PREX1: variants seen among roughly 807,000 people sequenced by gnomAD.
PREX1 encodes phosphatidylinositol-3,4,5-trisphosphate dependent Rac exchange factor 1.
A neutral mutation model predicts 198.3 loss-of-function variants in PREX1; 41 were observed. The observed-to-expected ratio is 0.21, with a 90% confidence interval of 0.16 to 0.27. The LOEUF is 0.27. Among genes scored for constraint, PREX1 ranks in the 10% least tolerant of loss-of-function variants. The pLI is 1.00. For missense variants in PREX1, 1,620 were observed against 2,200.7 expected, an observed-to-expected ratio of 0.74 and a Z score of 5.28; for synonymous variants, 843 against 887.2, an observed-to-expected ratio of 0.95 and a Z score of 0.89.
At chr20:48,785,165 C>T (rs998309963) in intron 1 of PREX1, among the ~76,000 whole-genome samples, 3 of 152,202 alleles carry the variant, frequency 2.0e-5, no homozygotes, top group Admixed American at 2.0e-4. Flanking sequence ...TCGCCTGCCT[C>T]AGCCTCCCAA....
chr20:48,800,807 C>A (rs2090383175), intron 1 of PREX1, among the ~76,000 whole-genome samples: 1 of 152,060 alleles, frequency 6.6e-6, no homozygotes, highest in Non-Finnish European at 1.5e-5. Flanking sequence ...CCTAACCACT[C>A]TGGATGCAAA....
rs1600539782 is a variant in PREX1 at position 48,827,669 on chromosome 20, G to A, written c.192C>T (p.Tyr64=). 7.3e-7 allele frequency: 1 copy of A among 1,364,496 alleles called. No individual in the cohort carries two copies. The highest frequency in any genetic ancestry group is 1.5e-5 in the African/African-American group (1 of 66,510). 84.5% of individuals were successfully genotyped at this position (1,364,496 alleles called of 1,614,324 possible). A position where few individuals can be genotyped will look rare whatever the true frequency, so the allele number is the denominator to read the frequency against. Residue 64 remains tyrosine (Y), a synonymous_variant, in exon 1 of 40, where the codon TAC becomes TAT. Transcript: ENST00000371941. This position sits in a 1 kb window ranked among gnomAD's most constrained non-coding sequence, Gnocchi z 4.1. The part of the protein sequence containing the change: ...LNEILGTERD[Y]VGTLRFLQSA... ...ACTGCAAGAAGCGCAAGGTGCCCAC[G>A]TAGTCCCTCTCGGTGCCCAAGATCT...
At chr20:48,753,636 C>G (rs931486819) in intron 1 of PREX1, among the ~76,000 whole-genome samples, 1 of 152,208 alleles carries the variant, frequency 6.6e-6, no homozygotes, top group Non-Finnish European at 1.5e-5. Context: ...TCTTCCACCG[C>G]CCAAATACTG....
At chr20:48,851,642 CA>C in the PREX1 span, among the ~76,000 whole-genome samples, 1 of 152,126 alleles carries the variant, frequency 6.6e-6, no homozygotes, top group African/African-American at 2.4e-5. Context: ...CACTGGGAAC[CA>C]AGTCATAGTA....
At chr20:48,712,169 C>G (rs1232100799) in intron 5 of PREX1, among the ~76,000 whole-genome samples, 1 of 152,164 alleles carries the variant, frequency 6.6e-6, no homozygotes, top group Non-Finnish European at 1.5e-5. Context: ...TAAGCTTGGC[C>G]ATCAGTGAAA....
At chr20:48,665,242 TGGCCTGAATTCTAATCCCGCCCCAGAC>T (rs2089629548) in intron 15 of PREX1, among the ~76,000 whole-genome samples, 1 of 127,734 alleles carries the variant, frequency 7.8e-6, no homozygotes. Flanking sequence ...TGGCTCCAGA[TGGCCTGAATTCTAATCCCGCCCCAGAC>T]GGCCTGAATT....
intron 1 of PREX1, among the ~76,000 whole-genome samples, chr20:48,768,998 C>A (rs1198799980): frequency 6.6e-6 from 1 of 152,010 alleles, no homozygotes; most frequent in Non-Finnish European, 1.5e-5. Context: ...CACCGTCCAC[C>A]CTGGTTTGTC....
At chr20:48,876,405 G>A in the PREX1 span, among the ~76,000 whole-genome samples, 1 of 152,168 alleles carries the variant, frequency 6.6e-6, no homozygotes, top group South Asian at 2.1e-4. Context: ...GTGGCCAAGT[G>A]CTTATCTTAT....
chr20:48,642,619 G>C, intron 27 of PREX1, 130 bp from the exon 28 acceptor site: 1 of 798,658 alleles, frequency 1.3e-6, no homozygotes, highest in South Asian at 1.9e-5. Flanking sequence ...CTGAAGACCA[G>C]GTCCTGGCTG....
At position 48,625,722 on chromosome 20, in the gene PREX1, G is replaced by T; in HGVS notation, c.*163C>A. On this transcript the variant is annotated 3_prime_UTR_variant, in exon 40 of 40. Coordinates refer to ENST00000371941, the MANE Select transcript of PREX1 (RefSeq NM_020820.4). The stretch of plus-strand genomic sequence containing the variant: ...GCCAGCTCGTCATCACAGCGAGGGT[G>T]GCCAGGCTTGTCCCGGAAGGAGGCA... 1 of 829,744 alleles carries T rather than the reference G, an allele frequency of 1.2e-6. No individual in the cohort carries two copies. The highest frequency in any genetic ancestry group is 1.8e-6 in the Non-Finnish European group (1 of 555,388). The allele number at this position is 829,744 out of a possible 1,614,324, so 51.4% of individuals were successfully genotyped here. A position where few individuals can be genotyped will look rare whatever the true frequency, so the allele number is the denominator to read the frequency against.
At chr20:48,740,550 C>T (rs565866248) in intron 3 of PREX1, among the ~76,000 whole-genome samples, 38 of 152,290 alleles carry the variant, frequency 2.5e-4, no homozygotes, top group Admixed American at 1.3e-3. Flanking sequence ...TGGGGTGGAG[C>T]CTCTGCAACC....
intron 1 of PREX1, among the ~76,000 whole-genome samples, chr20:48,784,726 C>G (rs531049422): frequency 4.4e-4 from 67 of 152,330 alleles, no homozygotes; most frequent in African/African-American, 1.6e-3. Flanking sequence ...GGCATGAAAC[C>G]TTGGGAATTA....
chr20:48,714,644 C>T (rs931416745), intron 5 of PREX1, among the ~76,000 whole-genome samples: 1 of 152,182 alleles, frequency 6.6e-6, no homozygotes, highest in African/African-American at 2.4e-5. Context: ...ATAGAGCCCT[C>T]CTACATTGCT....
At chr20:48,636,196 G>C (rs1044291775) in intron 32 of PREX1, among the ~76,000 whole-genome samples, 3 of 152,226 alleles carry the variant, frequency 2.0e-5, no homozygotes, top group Non-Finnish European at 4.4e-5. Context: ...AGAGCCGCTG[G>C]TCTGTAGCAT....
intron 5 of PREX1, among the ~76,000 whole-genome samples, chr20:48,709,726 C>A (rs2089921923): frequency 1.3e-5 from 2 of 152,150 alleles, no homozygotes; most frequent in Non-Finnish European, 1.5e-5. Flanking sequence ...AGGAAAAGCA[C>A]CAAGTACATA....
chr20:48,645,674 G>C (rs2089445266), intron 26 of PREX1, among the ~76,000 whole-genome samples, 177 bp downstream of exon 26: 1 of 152,124 alleles, frequency 6.6e-6, no homozygotes, highest in Non-Finnish European at 1.5e-5. Context: ...AGCCTAAGTG[G>C]GTCTTCCAGG....
chr20:48,876,265 T>G, the PREX1 span, among the ~76,000 whole-genome samples: 2 of 152,100 alleles, frequency 1.3e-5, no homozygotes, highest in Admixed American at 6.6e-5. Context: ...AGAAGTGTTT[T>G]TCTCATCCAC....
At chr20:48,750,667 C>T (rs548351429) in intron 1 of PREX1, among the ~76,000 whole-genome samples, 83 of 152,306 alleles carry the variant, frequency 5.4e-4, no homozygotes, top group African/African-American at 1.7e-3. Flanking sequence ...ATGTCACCTC[C>T]GCCAAGAGGC....
upstream of PREX1, among the ~76,000 whole-genome samples, chr20:48,832,078 G>T (rs1025803292): frequency 1.3e-5 from 2 of 151,730 alleles, no homozygotes; most frequent in Non-Finnish European, 2.9e-5. Flanking sequence ...GCCGGCAGCT[G>T]GGTAACGTTC....
Sources: allele counts gnomAD v4.1 joint callset (sites outside exome capture counted in the v4.1 genomes callset), GRCh38; gene constraint gnomAD v4.1.1; non-coding constraint Gnocchi (gnomAD v3.1); transcripts MANE v1.5; gene names NCBI Gene and HGNC (gene_info 2026-07-23, HGNC 2026-07-21).